Variants in SORCS1 observed in about 807,000 individuals in gnomAD.
The protein encoded by SORCS1 is VPS10 domain-containing receptor SorCS1.
A neutral mutation model predicts 146.1 loss-of-function variants in SORCS1; 60 were observed. The observed-to-expected ratio is 0.41, with a 90% confidence interval of 0.33 to 0.51. SORCS1 has a LOEUF of 0.51. SORCS1 is among the 20% of genes least tolerant of loss of function. The pLI, the probability that SORCS1 is intolerant of heterozygous loss-of-function variation, is 0.21. For missense variants in SORCS1, 1,352 were observed against 1,487.6 expected (o/e 0.91, Z 1.50); for synonymous variants, 637 against 584.0 (o/e 1.09, Z -1.31).
chr10:107,118,710 G>A (rs1966205394), intron 1 of SORCS1, among the ~76,000 whole-genome samples: 2 of 152,134 alleles, frequency 1.3e-5, no homozygotes, highest in Admixed American at 1.3e-4. Flanking sequence ...TTCAGACTTT[G>A]AGGATACCTG....
At chr10:107,120,235 A>G (rs1312365750) in intron 1 of SORCS1, among the ~76,000 whole-genome samples, 1 of 152,212 alleles carries the variant, frequency 6.6e-6, no homozygotes, top group Non-Finnish European at 1.5e-5. Context: ...TGGCATCTTC[A>G]TACATCATAT....
At chr10:106,660,513 A>G (rs189726265) in intron 17 of SORCS1, among the ~76,000 whole-genome samples, 1 of 152,358 alleles carries the variant, frequency 6.6e-6, no homozygotes, top group Admixed American at 6.5e-5. Flanking sequence ...ATCTTTTAAA[A>G]CATTCCAAAT....
intron 3 of SORCS1, among the ~76,000 whole-genome samples, chr10:106,783,412 T>G (rs1166810470): frequency 6.6e-6 from 1 of 152,196 alleles, no homozygotes; most frequent in Non-Finnish European, 1.5e-5. Flanking sequence ...GCAAAAGCAC[T>G]GTTAAGTTTT....
intron 2 of SORCS1, among the ~76,000 whole-genome samples, chr10:106,881,318 A>G (rs1225593506): frequency 6.6e-6 from 1 of 152,188 alleles, no homozygotes; most frequent in Non-Finnish European, 1.5e-5. Flanking sequence ...CTAATCCTTA[A>G]GTAAGTGTTG....
At chr10:107,099,725 G>A (rs530046752) in intron 1 of SORCS1, among the ~76,000 whole-genome samples, 2 of 152,186 alleles carry the variant, frequency 1.3e-5, no homozygotes, top group South Asian at 4.1e-4. Context: ...CAACCATAAA[G>A]AATACAATAA....
chr10:106,578,814 A>T (rs769566414), intron 25 of SORCS1: 1 of 1,287,316 alleles, frequency 7.8e-7, no homozygotes. Flanking sequence ...TTGCCCATAA[A>T]CATATAACAT....
chr10:107,176,292 C>G, the SORCS1 span, among the ~76,000 whole-genome samples: 2 of 144,498 alleles, frequency 1.4e-5, no homozygotes, highest in African/African-American at 5.2e-5. Flanking sequence ...TCTTTTCCTG[C>G]CTTTCTTCCT....
intron 9 of SORCS1, among the ~76,000 whole-genome samples, chr10:106,690,479 G>A (rs1186894177): frequency 6.6e-6 from 1 of 152,192 alleles, no homozygotes; most frequent in Non-Finnish European, 1.5e-5. Context: ...CCAGCGCAGG[G>A]TTATACATGT....
intron 23 of SORCS1, among the ~76,000 whole-genome samples, chr10:106,606,483 A>AT (rs1420722211): frequency 6.6e-6 from 1 of 152,248 alleles, no homozygotes; most frequent in Non-Finnish European, 1.5e-5. Context: ...TATGCATGTC[A>AT]TGTCATTTGC....
intron 6 of SORCS1, among the ~76,000 whole-genome samples, chr10:106,723,041 T>C (rs1855890427): frequency 6.6e-6 from 1 of 152,114 alleles, no homozygotes; most frequent in Non-Finnish European, 1.5e-5. Flanking sequence ...AAATATTAAA[T>C]GTTTCATCTG....
At chr10:106,899,591 C>CTTTT (rs35476429) in intron 2 of SORCS1, among the ~76,000 whole-genome samples, 32 of 97,504 alleles carry the variant, frequency 3.3e-4, no homozygotes, top group Non-Finnish European at 4.9e-4. Flanking sequence ...GCCACCAGGG[C>CTTTT]TTTTTTTTTT....
intron 18 of SORCS1, among the ~76,000 whole-genome samples, chr10:106,631,858 AC>A (rs2133595163): frequency 6.6e-6 from 1 of 152,270 alleles, no homozygotes; most frequent in African/African-American, 2.4e-5. Context: ...AAGACCAGTT[AC>A]ATAAAAACCC....
At chr10:106,851,139 C>T (rs1949554447) in intron 2 of SORCS1, among the ~76,000 whole-genome samples, 1 of 152,118 alleles carries the variant, frequency 6.6e-6, no homozygotes, top group Non-Finnish European at 1.5e-5. Flanking sequence ...ATAATTTTTT[C>T]CCAGTCTGTG....
Position 107,108,089 on chromosome 10 carries a change from A to C in SORCS1, c.558+55880T>G, listed in dbSNP as rs540755794. Among the ~76,000 whole-genome samples the C allele has an allele frequency of 6.6e-5, 10 of 152,112 alleles. No homozygotes were observed. In the South Asian group the frequency reaches 2.1e-3, roughly 32 times the overall value. ...CAGCAGATCTTGAAATGGCACTAAA[A>C]CTCAGCTACAACCCCTCTGAGCTGT... On this transcript the variant is annotated intron_variant, in intron 1 of 25. Coordinates refer to ENST00000263054, the MANE Select transcript of SORCS1 (RefSeq NM_052918.5).
At chr10:106,586,682 A>G (rs1435539806) in intron 24 of SORCS1, among the ~76,000 whole-genome samples, 1 of 152,248 alleles carries the variant, frequency 6.6e-6, no homozygotes, top group East Asian at 1.9e-4. Context: ...TAGGCCAGGC[A>G]TGGTGGCTCA....
chr10:106,673,602 T>C (rs1165158093), intron 14 of SORCS1, among the ~76,000 whole-genome samples: 3 of 152,078 alleles, frequency 2.0e-5, no homozygotes, highest in Non-Finnish European at 4.4e-5. Context: ...GTTGAGAAAA[T>C]ATGGTTGAGA....
intron 3 of SORCS1, among the ~76,000 whole-genome samples, chr10:106,793,994 G>T (rs933190943): frequency 5.3e-5 from 8 of 152,170 alleles, no homozygotes; most frequent in Non-Finnish European, 7.3e-5. Flanking sequence ...AAACCATCAG[G>T]CTACAAAGAA....
intron 1 of SORCS1, among the ~76,000 whole-genome samples, chr10:107,064,255 T>C (rs533104600): frequency 4.6e-5 from 7 of 152,164 alleles, no homozygotes; most frequent in Non-Finnish European, 1.0e-4. Flanking sequence ...AACCCCGATC[T>C]GGAAGGGACA....
At chr10:106,803,663 T>C (rs79251993) in intron 3 of SORCS1, among the ~76,000 whole-genome samples, 1,524 of 152,316 alleles carry the variant, frequency 0.01, 20 homozygotes, top group African/African-American at 0.031. Flanking sequence ...ATATATTGTT[T>C]ATTGACTGAT....
Sources: gnomAD v4.1 joint callset for allele counts (sites outside exome capture counted in the v4.1 genomes callset) on GRCh38, gnomAD v4.1.1 for gene constraint, MANE v1.5 for transcripts, NCBI Gene and HGNC (gene_info 2026-07-23, HGNC 2026-07-21) for gene names.